The following CALN1 variants were observed in gnomAD, a reference collection of about 807,000 sequenced individuals.
CALN1 encodes calcium-binding protein 8.
CALN1 carries 17 observed loss-of-function variants against 30.6 expected under a neutral mutation model. The observed-to-expected ratio is 0.56, with a 90% CI of 0.38 to 0.83. CALN1 has a LOEUF of 0.83. CALN1 is among the 40% of genes least tolerant of loss of function. CALN1 has a pLI of 0.00. For missense variants in CALN1, 291 were observed against 354.9 expected (o/e 0.82, Z 1.45); for synonymous variants, 156 against 131.4 (o/e 1.19, Z -1.28).
Position 72,285,566 on chromosome 7 carries a change from CA to C in CALN1, c.120-6757del, listed in dbSNP as rs1209148033. Among the ~76,000 whole-genome samples, 12 of 152,244 alleles carry C rather than the reference CA, an allele frequency of 7.9e-5. No individual in the cohort carries two copies. In the East Asian group the frequency reaches 2.3e-3, roughly 29 times the overall value. On this transcript the variant is annotated intron_variant, in intron 2 of 6. Transcript: ENST00000395275. The stretch of plus-strand genomic sequence containing the variant: ...CTCTTACTGTACTTTTTTAAAGTAT[CA>C]GTCTACAAATGACCGAAACTAAAAA...
chr7:72,416,435 G>C (rs114239302), upstream of CALN1, among the ~76,000 whole-genome samples: 1,182 of 152,256 alleles, frequency 7.8e-3, 13 homozygotes, highest in African/African-American at 0.027. Flanking sequence ...ATTGTTTCCT[G>C]AGTGAAGCCG....
At chr7:71,897,983 A>C (rs1436393579) in intron 5 of CALN1, among the ~76,000 whole-genome samples, 2 of 121,832 alleles carry the variant, frequency 1.6e-5, no homozygotes, top group African/African-American at 3.7e-5. Flanking sequence ...AAAAAAAAAA[A>C]AAAAAAAAAG....
intron 2 of CALN1, among the ~76,000 whole-genome samples, chr7:72,379,594 C>T (rs1039778248): frequency 1.3e-5 from 2 of 152,250 alleles, no homozygotes; most frequent in Admixed American, 6.5e-5. Context: ...TCACAGTGTT[C>T]ATGACCCAGG....
intron 2 of CALN1, among the ~76,000 whole-genome samples, chr7:72,391,206 T>A (rs534580863): frequency 3.9e-5 from 6 of 152,174 alleles, no homozygotes; most frequent in Non-Finnish European, 8.8e-5. Flanking sequence ...TGAAAGAAGA[T>A]GGTAGATCCA....
At chr7:71,934,061 G>A (rs1337829254) in intron 5 of CALN1, among the ~76,000 whole-genome samples, 1 of 152,166 alleles carries the variant, frequency 6.6e-6, no homozygotes, top group Non-Finnish European at 1.5e-5. Context: ...TTGCATTGAA[G>A]CTCCCTATTT....
At chr7:72,193,699 T>C (rs1790785666) in intron 3 of CALN1, among the ~76,000 whole-genome samples, 1 of 152,228 alleles carries the variant, frequency 6.6e-6, no homozygotes, top group Admixed American at 6.5e-5. Flanking sequence ...TATCTCAATA[T>C]ATCTAAACAT....
chr7:72,093,966 G>T (rs188675279), intron 4 of CALN1, among the ~76,000 whole-genome samples: 103 of 152,222 alleles, frequency 6.8e-4, no homozygotes, highest in African/African-American at 2.2e-3. Context: ...CTCTCTTACA[G>T]CTCAGACAAG....
intron 3 of CALN1, among the ~76,000 whole-genome samples, chr7:72,196,384 G>A (rs1050915369): frequency 6.6e-6 from 1 of 152,176 alleles, no homozygotes; most frequent in Non-Finnish European, 1.5e-5. Context: ...CTCCCAAAGT[G>A]CTAGAATTAC....
At chr7:72,341,004 T>A (rs559501535) in intron 2 of CALN1, among the ~76,000 whole-genome samples, 2 of 152,310 alleles carry the variant, frequency 1.3e-5, no homozygotes, top group East Asian at 3.9e-4. Flanking sequence ...TTACCCAGTC[T>A]CAGCTATGTC....
rs747023017 is a variant in CALN1 at position 71,788,305 on chromosome 7, G to A, written c.659-403C>T. On this transcript the variant is annotated intron_variant, in intron 6 of 6. Transcript: ENST00000395275. ...TTCTGCAGCTGATACAAACAGAGTG[G>A]AAGTTCAGATGCTTCCCTACACCTC... Among the ~76,000 whole-genome samples the A allele has an allele frequency of 1.1e-4, 16 of 152,090 alleles. No individual in the cohort carries two copies. The South Asian group carries it at 1.2e-3, about 12-fold the overall frequency.
chr7:71,963,217 C>T (rs1009131452), intron 5 of CALN1, among the ~76,000 whole-genome samples: 8 of 152,208 alleles, frequency 5.3e-5, no homozygotes, highest in South Asian at 4.2e-4. Context: ...GGCTGGAGTG[C>T]GGCGGCGCGA....
At chr7:72,109,300 G>T (rs978919842) in intron 3 of CALN1, among the ~76,000 whole-genome samples, 64 of 152,154 alleles carry the variant, frequency 4.2e-4, no homozygotes, top group Non-Finnish European at 1.5e-5. Flanking sequence ...TAGGTCCACG[G>T]CCAAACCCTG....
intron 6 of CALN1, among the ~76,000 whole-genome samples, chr7:71,800,676 C>T (rs554551766): frequency 2.5e-4 from 38 of 152,166 alleles, no homozygotes; most frequent in African/African-American, 8.9e-4. Flanking sequence ...TGATGAAGCA[C>T]CGTTTCGTAT....
At chr7:72,391,994 G>A (rs1158571829) in intron 2 of CALN1, among the ~76,000 whole-genome samples, 1 of 152,184 alleles carries the variant, frequency 6.6e-6, no homozygotes, top group Non-Finnish European at 1.5e-5. Context: ...CTAGAGTATG[G>A]CAGAAGCAAT....
chr7:71,792,628 G>T (rs1786637704), intron 6 of CALN1, among the ~76,000 whole-genome samples: 1 of 152,126 alleles, frequency 6.6e-6, no homozygotes, highest in South Asian at 2.1e-4. Flanking sequence ...AAGGAAAAAG[G>T]AGGTGGCATT....
intron 4 of CALN1, among the ~76,000 whole-genome samples, chr7:72,029,403 C>T (rs1187819443): frequency 3.3e-5 from 5 of 152,146 alleles, no homozygotes; most frequent in Admixed American, 2.6e-4. Context: ...TGTGAGCCAC[C>T]GTGCCTGGCC....
chr7:71,799,699 C>G (rs1787191608), intron 6 of CALN1, among the ~76,000 whole-genome samples: 1 of 152,066 alleles, frequency 6.6e-6, no homozygotes, highest in Non-Finnish European at 1.5e-5. Context: ...TGGTCTCGAA[C>G]TCCTGACCTC....
At position 72,332,854 on chromosome 7, in the gene CALN1, G is replaced by A. The variant is rs1011989145; in HGVS notation, c.120-54044C>T. Among the ~76,000 whole-genome samples the A allele has an allele frequency of 2.4e-4, 37 of 152,128 alleles. 2 individuals carry two copies. The highest frequency in any genetic ancestry group is 6.7e-4 in the African/African-American group (28 of 41,496). ...CACCATGGCCTCATCAGCCTTGTCCGGCTTTCAGAGCCAGCTTCCTCCCTG... is the reference window on the plus strand; with the variant it reads ...CACCATGGCCTCATCAGCCTTGTCCAGCTTTCAGAGCCAGCTTCCTCCCTG... On this transcript the variant is annotated intron_variant, in intron 2 of 6. Transcript: ENST00000395275.
intron 2 of CALN1, among the ~76,000 whole-genome samples, chr7:72,335,485 T>G (rs964783320): frequency 1.3e-5 from 2 of 152,228 alleles, no homozygotes; most frequent in South Asian, 2.1e-4. Flanking sequence ...CAGAGGCTAC[T>G]GTGGGTCACT....
Sources: gnomAD v4.1 joint callset for allele counts (sites outside exome capture counted in the v4.1 genomes callset) on GRCh38, gnomAD v4.1.1 for gene constraint, MANE v1.5 for transcripts, NCBI Gene and HGNC (gene_info 2026-07-23, HGNC 2026-07-21) for gene names.